Variants in CD96 observed in about 807,000 individuals in gnomAD.
CD96 encodes T-cell surface protein tactile.
CD96 carries 70 observed loss-of-function variants against 71.3 expected under a neutral mutation model. The ratio of observed to expected loss-of-function variants is 0.98; its 90% confidence interval spans 0.81 to 1.20. The LOEUF (loss-of-function observed/expected upper bound fraction) is 1.20. CD96 is among the 50% of genes most tolerant of loss of function. The pLI, the probability that CD96 is intolerant of heterozygous loss-of-function variation, is 0.00. For missense variants in CD96, 742 were observed against 677.5 expected (o/e 1.10, Z -1.06); for synonymous variants, 248 against 233.0 (o/e 1.06, Z -0.59).
intron 4 of CD96, 200 bp downstream of exon 4, chr3:111,579,434 G>C: frequency 1.5e-6 from 1 of 656,366 alleles, no homozygotes; most frequent in Non-Finnish European, 2.8e-6. Context: ...TCTGTTAACA[G>C]AATAAAATCA....
rs891513700 is a variant in CD96, at chr3:111,600,756, G to A, written c.929G>A (p.Gly310Asp). 3 of 1,613,266 alleles carry A rather than the reference G, an allele frequency of 1.9e-6. No individual in the cohort carries two copies. The highest frequency in any genetic ancestry group is 1.7e-6 in the Non-Finnish European group (2 of 1,179,384). The stretch of plus-strand genomic sequence containing the variant: ...TATATTACTAATGAAGAGAGAAAAG[G>A]CAAAGATGGATTTTTGGAACTGAAG... ...GIYITNEERK[G>D]KDGFLELKSV... Residue 310 changes from glycine to aspartate, a missense_variant, in exon 7 of 14, where the codon GGC becomes GAC. By Grantham distance (94) the Gly-to-Asp change is moderately conservative. Coordinates refer to ENST00000352690, the MANE Select transcript of CD96 (RefSeq NM_005816.5).
intron 5 of CD96, among the ~76,000 whole-genome samples, chr3:111,591,276 G>C (rs1478159615): frequency 6.7e-6 from 1 of 149,968 alleles, no homozygotes; most frequent in East Asian, 2.0e-4. Context: ...AGGAGGCTTA[G>C]GCAGAAGAAT....
At chr3:111,635,373 T>C (rs1425286080) in intron 10 of CD96, among the ~76,000 whole-genome samples, 1 of 152,224 alleles carries the variant, frequency 6.6e-6, no homozygotes, top group Non-Finnish European at 1.5e-5. Flanking sequence ...CTCCCTACTT[T>C]TCCAAAGTGG....
intron 12 of CD96, among the ~76,000 whole-genome samples, chr3:111,646,553 AG>A (rs1011735166): frequency 2.0e-5 from 3 of 150,696 alleles, no homozygotes; most frequent in African/African-American, 4.9e-5. Flanking sequence ...AAAAAAAAAA[AG>A]AAGAAGAAAC....
intron 7 of CD96, among the ~76,000 whole-genome samples, chr3:111,605,757 A>T (rs906010816): frequency 6.6e-6 from 1 of 152,216 alleles, no homozygotes; most frequent in African/African-American, 2.4e-5. Flanking sequence ...CCACGGGGCT[A>T]TGTGCTATCA....
At chr3:111,547,128 A>G (rs1172857344) in intron 2 of CD96, among the ~76,000 whole-genome samples, 6 of 152,212 alleles carry the variant, frequency 3.9e-5, no homozygotes, top group Non-Finnish European at 8.8e-5. Context: ...CATAACAAAT[A>G]TGGATAATTA....
At chr3:111,563,189 A>G (rs1455077315) in intron 2 of CD96, among the ~76,000 whole-genome samples, 3 of 152,216 alleles carry the variant, frequency 2.0e-5, no homozygotes, top group African/African-American at 7.2e-5. Context: ...TACTGACACA[A>G]TGGCAACCAA....
intron 3 of CD96, chr3:111,570,965 G>C: frequency 6.5e-7 from 1 of 1,541,796 alleles, no homozygotes; most frequent in South Asian, 1.1e-5. Context: ...TGTGCTCTGA[G>C]GCCACCAGAG....
chr3:111,580,738 T>A (rs1284487049), intron 4 of CD96, among the ~76,000 whole-genome samples: 1 of 152,126 alleles, frequency 6.6e-6, no homozygotes, highest in African/African-American at 2.4e-5. Context: ...TAGGCAATAA[T>A]CATCCCTGAT....
chr3:111,600,763 T>A lies in CD96; in HGVS notation c.936T>A (p.Asp312Glu). Residue 312 changes from aspartate (D) to glutamate (E), a missense_variant, in exon 7 of 14, where the codon GAT becomes GAA. Coordinates refer to ENST00000352690, the MANE Select transcript of CD96 (RefSeq NM_005816.5). ...YITNEERKGK[D>E]GFLELKSVLT... ...CTAATGAAGAGAGAAAAGGCAAAGA[T>A]GGATTTTTGGAACTGAAGTCTGTTT... is the stretch of plus-strand genomic sequence containing the variant. The A allele has an allele frequency of 6.2e-7, 1 of 1,613,668 alleles. No homozygotes were observed. The highest frequency in any genetic ancestry group is 1.7e-5 in the Admixed American group (1 of 60,026).
chr3:111,665,556 T>C (rs1940461788), exon 15 of CD96: 1 of 152,192 alleles, frequency 6.6e-6, no homozygotes, highest in Non-Finnish European at 1.5e-5. Context: ...AAAACTTCAA[T>C]CAATTTTCCT....
Position 111,594,517 on chromosome 3 carries a change from G to A in CD96, c.808-3603G>A, listed in dbSNP as rs181441244. 1.4e-5 allele frequency: 4 copies of A among 284,550 alleles called. No homozygotes were observed. The Admixed American group carries it at 1.9e-4, about 14-fold the overall frequency. 17.6% of individuals were successfully genotyped at this position (284,550 alleles called of 1,614,324 possible). A position where few individuals can be genotyped will look rare whatever the true frequency, so the allele number is the denominator to read the frequency against. ...GTTCCTGTAGCAAAGGGGTTCTCTG[G>A]TCCAACAATTACAAAGCTCTTTGAT... On this transcript the variant is annotated intron_variant, in intron 5 of 13. Coordinates refer to ENST00000352690, the MANE Select transcript of CD96 (RefSeq NM_005816.5).
chr3:111,588,375 C>G (rs1395667740), intron 5 of CD96, among the ~76,000 whole-genome samples: 2 of 152,212 alleles, frequency 1.3e-5, no homozygotes, highest in African/African-American at 4.8e-5. Context: ...CTGAGACAAC[C>G]TCGGCCTGGA....
At chr3:111,596,826 T>G (rs1313129039) in intron 5 of CD96, among the ~76,000 whole-genome samples, 1 of 152,138 alleles carries the variant, frequency 6.6e-6, no homozygotes, top group Non-Finnish European at 1.5e-5. Flanking sequence ...CATATATGTA[T>G]CCCCATTATC....
At chr3:111,596,131 C>T (rs1442381023) in intron 5 of CD96, among the ~76,000 whole-genome samples, 1 of 150,774 alleles carries the variant, frequency 6.6e-6, no homozygotes, top group African/African-American at 2.4e-5. Flanking sequence ...CACTGCACTC[C>T]AGCCTGGGCG....
At chr3:111,656,980 A>G (rs1383379034), downstream of CD96, among the ~76,000 whole-genome samples, 1 of 151,940 alleles carries the variant, frequency 6.6e-6, no homozygotes, top group Non-Finnish European at 1.5e-5. Flanking sequence ...TTAGTATTCT[A>G]TGTATTAAAA....
chr3:111,643,037 T>C (rs1265620051), intron 12 of CD96, among the ~76,000 whole-genome samples: 1 of 141,830 alleles, frequency 7.1e-6, no homozygotes, highest in Non-Finnish European at 1.5e-5. Context: ...ACTACAGACC[T>C]ATATCCTTGC....
intron 2 of CD96, among the ~76,000 whole-genome samples, chr3:111,554,713 G>A (rs1009848264): frequency 6.6e-6 from 1 of 151,972 alleles, no homozygotes; most frequent in Non-Finnish European, 1.5e-5. Flanking sequence ...CTTTTCCATA[G>A]ACTGTGGTGG....
At position 111,651,746 on chromosome 3, in the gene CD96, G is replaced by A. The variant is rs1940089779; in HGVS notation, c.*1940G>A. The A allele has an allele frequency of 6.6e-6, 1 of 152,386 alleles. No homozygotes were observed. The highest frequency in any genetic ancestry group is 2.4e-5 in the African/African-American group (1 of 41,520). 9.4% of individuals were successfully genotyped at this position (152,386 alleles called of 1,614,324 possible). ...AAATACAAAAAATTAGCCGGGTGTG[G>A]TGTCGGGCACCTGTAGTCCCAGCTA... On this transcript the variant is annotated 3_prime_UTR_variant, in exon 14 of 14. Coordinates refer to ENST00000352690, the MANE Select transcript of CD96 (RefSeq NM_005816.5).
Sources: gnomAD v4.1 joint callset for allele counts (sites outside exome capture counted in the v4.1 genomes callset) on GRCh38, gnomAD v4.1.1 for gene constraint, MANE v1.5 for transcripts, NCBI Gene and HGNC (gene_info 2026-07-23, HGNC 2026-07-21) for gene names.